The following FOXP1 variants were observed in gnomAD, a reference collection of about 807,000 sequenced individuals.
FOXP1 encodes the protein forkhead box P1.
Under a neutral mutation model 98.2 loss-of-function variants are expected in FOXP1, and 15 were observed. That is an observed-to-expected ratio of 0.15 (90% CI 0.10 to 0.24). The LOEUF (loss-of-function observed/expected upper bound fraction) is 0.24, where lower values mean the gene tolerates loss of function less well. Ranked by LOEUF, FOXP1 falls within the 10% of genes least tolerant of loss-of-function variation. The pLI is 1.00. For synonymous variants in FOXP1, 371 were observed against 314.5 expected (o/e 1.18, Z -1.90); for missense variants, 633 against 848.5 (o/e 0.75, Z 3.15).
chr3:71,484,294 C>T (rs1372176176), intron 3 of FOXP1, among the ~76,000 whole-genome samples: 1 of 152,156 alleles, frequency 6.6e-6, no homozygotes, highest in Non-Finnish European at 1.5e-5. Context: ...CTTGTCAACT[C>T]TCATACACTT....
intron 16 of FOXP1, 73 bp downstream of exon 16, chr3:70,977,570 C>G: frequency 1.5e-6 from 2 of 1,314,020 alleles, no homozygotes; most frequent in Non-Finnish European, 2.2e-6. Context: ...GTTTTTAAAT[C>G]TACTTCATCA....
chr3:71,320,605 G>T (rs2107665879), intron 4 of FOXP1, among the ~76,000 whole-genome samples: 1 of 152,080 alleles, frequency 6.6e-6, no homozygotes, highest in East Asian at 1.9e-4. Flanking sequence ...CCTAATACAG[G>T]CATGACTCCA....
chr3:70,994,467 G>A (rs2041083117), intron 13 of FOXP1, among the ~76,000 whole-genome samples: 1 of 152,222 alleles, frequency 6.6e-6, no homozygotes. Context: ...CGTCTTCCAT[G>A]GCTCCCTTGG....
intron 5 of FOXP1, among the ~76,000 whole-genome samples, chr3:71,211,940 A>C (rs1212019793): frequency 6.6e-6 from 1 of 152,210 alleles, no homozygotes; most frequent in Non-Finnish European, 1.5e-5. Context: ...TCAAATGGAA[A>C]ACCAGTATGT....
intron 3 of FOXP1, among the ~76,000 whole-genome samples, chr3:71,485,410 A>C (rs982605836): frequency 6.6e-6 from 1 of 152,216 alleles, no homozygotes; most frequent in African/African-American, 2.4e-5. Flanking sequence ...TGCAACTGAC[A>C]TGTCATTTCA....
intron 3 of FOXP1, among the ~76,000 whole-genome samples, chr3:71,394,555 A>G (rs767697691): frequency 5.9e-5 from 9 of 152,224 alleles, no homozygotes; most frequent in Non-Finnish European, 1.3e-4. Context: ...AGTTTTAAAA[A>G]TAGACATTTT....
intron 3 of FOXP1, among the ~76,000 whole-genome samples, chr3:71,473,241 A>G (rs1354787905): frequency 2.6e-5 from 4 of 152,212 alleles, no homozygotes; most frequent in Non-Finnish European, 4.4e-5. Flanking sequence ...AGGTACATAC[A>G]GCTAGGAAAT....
At chr3:71,476,305 T>G (rs988925206) in intron 3 of FOXP1, among the ~76,000 whole-genome samples, 1 of 152,086 alleles carries the variant, frequency 6.6e-6, no homozygotes, top group Admixed American at 6.5e-5. Context: ...AGTTCTTTTT[T>G]TTTTTTTTGT....
At chr3:71,490,368 G>A (rs1046110812) in intron 3 of FOXP1, among the ~76,000 whole-genome samples, 1 of 152,022 alleles carries the variant, frequency 6.6e-6, no homozygotes, top group Non-Finnish European at 1.5e-5. Flanking sequence ...TGTGGTGGTG[G>A]GCACCTGCAA....
intron 3 of FOXP1, among the ~76,000 whole-genome samples, chr3:71,465,534 T>C (rs1193109786): frequency 6.6e-6 from 1 of 152,072 alleles, no homozygotes; most frequent in African/African-American, 2.4e-5. Flanking sequence ...AATCTAACCT[T>C]GTGCACGTCC....
chr3:71,013,929 G>C (rs1267860940), intron 12 of FOXP1, among the ~76,000 whole-genome samples: 1 of 152,128 alleles, frequency 6.6e-6, no homozygotes, highest in Non-Finnish European at 1.5e-5. Flanking sequence ...AATGGTGCTG[G>C]GAAAACTGGC....
At chr3:71,556,576 CAAAAAAA>C (rs757217111) in intron 2 of FOXP1, among the ~76,000 whole-genome samples, 142 of 29,800 alleles carry the variant, frequency 4.8e-3, no homozygotes, top group Non-Finnish European at 7.0e-3. Context: ...GACTCCGTCT[CAAAAAAA>C]AAAAAAAAAA....
chr3:71,492,897 C>T (rs1245507837), intron 3 of FOXP1, among the ~76,000 whole-genome samples: 1 of 152,216 alleles, frequency 6.6e-6, no homozygotes, highest in East Asian at 1.9e-4. Flanking sequence ...CAATGAATAA[C>T]CTAATGAGGT....
chr3:71,341,716 A>G (rs1473625549), intron 4 of FOXP1, among the ~76,000 whole-genome samples: 3 of 152,238 alleles, frequency 2.0e-5, no homozygotes, highest in Admixed American at 6.5e-5. Flanking sequence ...AAAGAAAAAC[A>G]AAGAAGAAAG....
At chr3:71,490,929 C>A (rs867635796) in intron 3 of FOXP1, among the ~76,000 whole-genome samples, 1 of 152,192 alleles carries the variant, frequency 6.6e-6, no homozygotes, top group African/African-American at 2.4e-5. Context: ...AGAATTCTAA[C>A]CCCTTTGATG....
At chr3:71,376,369 A>C (rs55840990) in intron 3 of FOXP1, among the ~76,000 whole-genome samples, 2,218 of 152,272 alleles carry the variant, frequency 0.015, 55 homozygotes, top group African/African-American at 0.051. Context: ...CCATTTACGG[A>C]GAATATGTCA....
At chr3:71,542,423 C>T (rs1292514374) in intron 2 of FOXP1, among the ~76,000 whole-genome samples, 3 of 152,164 alleles carry the variant, frequency 2.0e-5, no homozygotes, top group South Asian at 2.1e-4. Context: ...GGGAGCAGAG[C>T]GATCGAAATC....
chr3:71,075,822 C>T (rs2053751102), intron 7 of FOXP1, among the ~76,000 whole-genome samples: 2 of 152,026 alleles, frequency 1.3e-5, no homozygotes, highest in Non-Finnish European at 2.9e-5. Context: ...TCAAAGGATC[C>T]TCCGGCCTTA....
intron 1 of FOXP1, chr3:71,582,284 A>T (rs1309031368): frequency 1.0e-6 from 1 of 981,526 alleles, no homozygotes; most frequent in Admixed American, 6.2e-5. Context: ...GTTGTCTGAA[A>T]AGGAGGGAGG....
Sources: gnomAD v4.1 joint callset for allele counts (sites outside exome capture counted in the v4.1 genomes callset) on GRCh38, gnomAD v4.1.1 for gene constraint, MANE v1.5 for transcripts, NCBI Gene and HGNC (gene_info 2026-07-23, HGNC 2026-07-21) for gene names.